Variants in SORCS2 observed in about 807,000 individuals in gnomAD.
The protein encoded by SORCS2 is VPS10 domain-containing receptor SorCS2.
SORCS2 carries 100 observed loss-of-function variants against 141.6 expected under a neutral mutation model. The observed-to-expected ratio is 0.71, with a 90% confidence interval of 0.60 to 0.83. The LOEUF (loss-of-function observed/expected upper bound fraction) is 0.83, where lower values mean the gene tolerates loss of function less well. SORCS2 is among the 40% of genes least tolerant of loss of function. The pLI is 0.00. For synonymous variants in SORCS2, 789 were observed against 676.9 expected (o/e 1.17, Z -2.57); for missense variants, 1,646 against 1,560.2 (o/e 1.05, Z -0.93).
At chr4:7,563,866 A>G (rs984967109) in intron 3 of SORCS2, among the ~76,000 whole-genome samples, 3 of 152,234 alleles carry the variant, frequency 2.0e-5, no homozygotes, top group African/African-American at 7.2e-5. Context: ...GCTTTTGACT[A>G]TCGCTAAGCA....
chr4:7,461,366 G>C (rs1408089563), intron 2 of SORCS2, among the ~76,000 whole-genome samples: 1 of 152,144 alleles, frequency 6.6e-6, no homozygotes, highest in African/African-American at 2.4e-5. Flanking sequence ...CACCAGCAGG[G>C]GGATGGCCGA....
intron 2 of SORCS2, among the ~76,000 whole-genome samples, chr4:7,422,999 C>T (rs1235421845): frequency 4.3e-4 from 57 of 132,802 alleles, no homozygotes; most frequent in Admixed American, 4.2e-3. Context: ...CCCTCCCCTA[C>T]CCCCCACCCC....
At chr4:7,414,133 A>G (rs904103072) in intron 2 of SORCS2, among the ~76,000 whole-genome samples, 2 of 152,236 alleles carry the variant, frequency 1.3e-5, no homozygotes, top group Non-Finnish European at 2.9e-5. Flanking sequence ...TGTAAATCCC[A>G]TTAACGGATG....
At chr4:7,547,082 A>C (rs2109616339) in intron 3 of SORCS2, among the ~76,000 whole-genome samples, 1 of 152,174 alleles carries the variant, frequency 6.6e-6, no homozygotes, top group South Asian at 2.1e-4. Context: ...CTGCAAATCC[A>C]CTCATCCCCA....
At chr4:7,350,322 G>A (rs12650165) in intron 1 of SORCS2, among the ~76,000 whole-genome samples, 29,965 of 152,232 alleles carry the variant, frequency 0.2, 3,025 homozygotes, top group Non-Finnish European at 0.22. Context: ...CTACAGTTCA[G>A]TTCAGTCAGG....
At chr4:7,474,821 C>T (rs899800998) in intron 2 of SORCS2, among the ~76,000 whole-genome samples, 4 of 152,150 alleles carry the variant, frequency 2.6e-5, no homozygotes, top group African/African-American at 7.2e-5. Context: ...TCTGGGAGCC[C>T]GAAGCCCGGA....
chr4:7,700,844 G>GT (rs1725021903), intron 12 of SORCS2, among the ~76,000 whole-genome samples: 1 of 152,226 alleles, frequency 6.6e-6, no homozygotes, highest in Admixed American at 6.5e-5. Context: ...CTCCACCTGT[G>GT]TGGGGGCAAG....
At chr4:7,296,682 C>T (rs993096990) in intron 1 of SORCS2, among the ~76,000 whole-genome samples, 91 of 152,350 alleles carry the variant, frequency 6.0e-4, no homozygotes, top group African/African-American at 2.0e-3. Context: ...GCCCCAGCCA[C>T]TGAGAAGTGC....
chr4:7,326,353 C>T (rs1296404505), intron 1 of SORCS2, among the ~76,000 whole-genome samples: 3 of 152,090 alleles, frequency 2.0e-5, no homozygotes, highest in Non-Finnish European at 2.9e-5. Flanking sequence ...TCTGTCTCCT[C>T]GTCTGTAAAG....
At chr4:7,638,956 C>G (rs1019022195) in intron 4 of SORCS2, among the ~76,000 whole-genome samples, 1 of 152,200 alleles carries the variant, frequency 6.6e-6, no homozygotes, top group African/African-American at 2.4e-5. Flanking sequence ...GCATCTCCTC[C>G]TCTGGGAGCT....
At chr4:7,437,164 C>T (rs1437058654) in intron 2 of SORCS2, among the ~76,000 whole-genome samples, 2 of 152,176 alleles carry the variant, frequency 1.3e-5, no homozygotes, top group East Asian at 1.9e-4. Flanking sequence ...TGCTAATAAT[C>T]ACAGGTCCGA....
At chr4:7,194,871 G>A (rs954656882) in intron 1 of SORCS2, among the ~76,000 whole-genome samples, 3 of 152,184 alleles carry the variant, frequency 2.0e-5, no homozygotes, top group Non-Finnish European at 2.9e-5. Context: ...CCCATCTGCC[G>A]AGGTGGTTGA....
intron 3 of SORCS2, among the ~76,000 whole-genome samples, chr4:7,625,156 C>T (rs1719438824): frequency 6.6e-6 from 1 of 152,162 alleles, no homozygotes; most frequent in Admixed American, 6.5e-5. Flanking sequence ...AATTGTCAGG[C>T]CAGTAATTAA....
At chr4:7,288,320 G>A (rs911177432) in intron 1 of SORCS2, among the ~76,000 whole-genome samples, 2 of 152,012 alleles carry the variant, frequency 1.3e-5, no homozygotes, top group African/African-American at 4.8e-5. Context: ...CTACCTCCAC[G>A]GTGAACTTCT....
At chr4:7,257,262 G>C (rs1015808443) in intron 1 of SORCS2, among the ~76,000 whole-genome samples, 5 of 151,856 alleles carry the variant, frequency 3.3e-5, no homozygotes, top group Admixed American at 6.6e-5. Context: ...AGGCTCGTGT[G>C]CCTGGCGCCA....
At chr4:7,429,525 T>C (rs572904628) in intron 2 of SORCS2, among the ~76,000 whole-genome samples, 1 of 152,312 alleles carries the variant, frequency 6.6e-6, no homozygotes, top group South Asian at 2.1e-4. Context: ...AATATAACAA[T>C]GAAAATGCAT....
At chr4:7,350,674 C>T (rs749277529) in intron 1 of SORCS2, among the ~76,000 whole-genome samples, 3 of 152,218 alleles carry the variant, frequency 2.0e-5, no homozygotes, top group Admixed American at 6.5e-5. Flanking sequence ...TGACCAGGCC[C>T]GTGGGAGGCC....
chr4:7,425,788 C>G lies in SORCS2; in HGVS notation c.548+29433C>G, dbSNP rs146392336. 2.9e-3 allele frequency among the ~76,000 whole-genome samples: 443 copies of G among 152,320 alleles called. 3 individuals are homozygous for G. Among genetic ancestry groups the G allele is most frequent in the African/African-American group, 0.01 (427 of 41,574 alleles). On this transcript the variant is annotated intron_variant, in intron 2 of 26. Transcript: ENST00000507866. ...CATGACCAGCCTGGGGTCCCCACCT[C>G]GCTGGAGAAACGAGGAAGGGGCGGC...
chr4:7,217,774 TGAAGCCACGTGG>T (rs1728453084), intron 1 of SORCS2, among the ~76,000 whole-genome samples: 1 of 152,112 alleles, frequency 6.6e-6, no homozygotes. Flanking sequence ...AGCGTGAGGA[TGAAGCCACGTGG>T]GAAGCCTGTG....
Sources: gnomAD v4.1 joint callset for allele counts (sites outside exome capture counted in the v4.1 genomes callset) on GRCh38, gnomAD v4.1.1 for gene constraint, MANE v1.5 for transcripts, NCBI Gene and HGNC (gene_info 2026-07-23, HGNC 2026-07-21) for gene names.